PITPNM3: variants seen among roughly 807,000 people sequenced by gnomAD.
PITPNM3 encodes PITPNM family member 3, also known as membrane-associated phosphatidylinositol transfer protein 3.
A neutral mutation model predicts 102.0 loss-of-function variants in PITPNM3; 26 were observed. The ratio of observed to expected loss-of-function variants is 0.25; its 90% CI spans 0.19 to 0.35. The LOEUF is 0.35. Among genes scored for constraint, PITPNM3 ranks in the 10% least tolerant of loss-of-function variants. PITPNM3 has a pLI of 1.00. For missense variants in PITPNM3, 1,083 were observed against 1,346.1 expected (o/e 0.80, Z 3.06); for synonymous variants, 578 against 558.6 (o/e 1.03, Z -0.49).
chr17:6,529,160 G>A (rs766852680), intron 2 of PITPNM3, among the ~76,000 whole-genome samples: 2 of 152,114 alleles, frequency 1.3e-5, no homozygotes, highest in Non-Finnish European at 2.9e-5. Flanking sequence ...CCCTGGCCTT[G>A]ACCACAGATT....
At chr17:6,550,995 C>A (rs577845008) in intron 1 of PITPNM3, among the ~76,000 whole-genome samples, 2 of 152,260 alleles carry the variant, frequency 1.3e-5, no homozygotes, top group South Asian at 4.1e-4. Context: ...CAGAGGTCGG[C>A]GTATTTGCAT....
rs944091943 is a variant in PITPNM3, at chr17:6,459,391, G to A, written c.2491-1669C>T. The stretch of plus-strand genomic sequence containing the variant: ...CCTCCTCCCCCTCACTCTCCTCCTG[G>A]TTCCTCAGCTGCTCCTTGTGCTGCT... On this transcript the variant is annotated intron_variant, in intron 18 of 19. Coordinates refer to ENST00000262483, the MANE Select transcript of PITPNM3 (RefSeq NM_031220.4). This position sits in a 1 kb window ranked among gnomAD's most constrained non-coding sequence, Gnocchi z 5.0. 1.7e-4 allele frequency among the ~76,000 whole-genome samples: 26 copies of A among 151,332 alleles called. No individual in the cohort carries two copies. The highest frequency in any genetic ancestry group is 6.1e-4 in the African/African-American group (25 of 41,160).
rs750289060 is a variant in PITPNM3, at chr17:6,455,517, A to C, written c.2746T>G (p.Phe916Val). ...GSFGLHAQPE[F>V]LRKRNHLRRT... ...CGCAGGTGGTTGCGCTTCCGCAGGA[A>C]CTCTGGCTGCGCGTGCAGCCCGAAG... The change falls in exon 20 of 20, where the codon TTC (phenylalanine) becomes GTC (valine). Residue 916 changes from phenylalanine to valine, a missense_variant. Phe to Val is a conservative substitution (Grantham distance 50). Transcript: ENST00000262483. 1.2e-5 allele frequency: 20 copies of C among 1,604,768 alleles called. No individual in the cohort carries two copies. Among genetic ancestry groups the C allele is most frequent in the Admixed American group, 1.7e-5 (1 of 59,902 alleles).
intron 3 of PITPNM3, among the ~76,000 whole-genome samples, chr17:6,510,545 A>G (rs920064051): frequency 6.6e-6 from 1 of 152,236 alleles, no homozygotes; most frequent in Non-Finnish European, 1.5e-5. Flanking sequence ...GTCAATTCTG[A>G]GTCCACTTCT....
At chr17:6,503,606 C>T (rs1455495338) in intron 3 of PITPNM3, 32 bp from the exon 4 acceptor site, 3 of 1,601,396 alleles carry the variant, frequency 1.9e-6, no homozygotes, top group Non-Finnish European at 2.5e-6. Flanking sequence ...ATGAGCAGAT[C>T]CTTGACACTG....
intron 3 of PITPNM3, among the ~76,000 whole-genome samples, chr17:6,519,112 C>T (rs1047278441): frequency 2.0e-5 from 3 of 151,090 alleles, no homozygotes; most frequent in African/African-American, 4.9e-5. Context: ...CCATGGCGGG[C>T]GGATCACGAG....
intron 1 of PITPNM3, among the ~76,000 whole-genome samples, chr17:6,551,824 G>C (rs972916814): frequency 3.3e-5 from 5 of 151,978 alleles, no homozygotes; most frequent in Non-Finnish European, 7.4e-5. Context: ...CACTGCCCCT[G>C]GGAGCCACAG....
In PITPNM3 at chr17:6,544,654, T is replaced by TCTCTCTCTCTCACACACACA. The variant is rs376230474; in HGVS notation, c.23-6573_23-6572insTGTGTGTGTGAGAGAGAGAG. Among the ~76,000 whole-genome samples, 265 of 130,260 alleles carry TCTCTCTCTCTCACACACACA rather than the reference T, an allele frequency of 2.0e-3. 1 individual carries two copies. The highest frequency in any genetic ancestry group is 7.7e-3 in the African/African-American group (251 of 32,514). The allele number at this position is 130,260 out of a possible 152,430, so 85.5% of individuals were successfully genotyped here. On this transcript the variant is annotated intron_variant, in intron 1 of 19. Coordinates refer to ENST00000262483, the MANE Select transcript of PITPNM3 (RefSeq NM_031220.4). ...CTCTCTCTCTCTCTCTCTCTCTCTC[T>TCTCTCTCTCTCACACACACA]CACACACACACACACACACACACAA...
chr17:6,526,926 C>T (rs1597403767), intron 2 of PITPNM3, among the ~76,000 whole-genome samples: 3 of 152,354 alleles, frequency 2.0e-5, no homozygotes, highest in African/African-American at 7.2e-5. Flanking sequence ...GCTGCCCACA[C>T]TCCAGCCAGG....
rs779639442 is a variant in PITPNM3 at position 6,455,520 on chromosome 17, C to T, written c.2743G>A (p.Glu915Lys). 1 of 1,605,446 alleles carries T rather than the reference C, an allele frequency of 6.2e-7. No individual in the cohort carries two copies. The highest frequency in any genetic ancestry group is 1.7e-5 in the Admixed American group (1 of 59,934). The change falls in exon 20 of 20, where the codon GAG (glutamate) becomes AAG (lysine). Residue 915 changes from glutamate to lysine, a missense_variant. Glu to Lys is a moderately conservative substitution (Grantham distance 56). This residue lies in a region of PITPNM3 where 208 missense variants were observed against 178.2 expected (regional missense o/e 1.17). Transcript: ENST00000262483. The part of the protein sequence containing the change: ...KGSFGLHAQP[E>K]FLRKRNHLRR... ...AGGTGGTTGCGCTTCCGCAGGAACT[C>T]TGGCTGCGCGTGCAGCCCGAAGCTG...
At chr17:6,480,400 G>A (rs537286002) in intron 6 of PITPNM3, 41 of 152,372 alleles carry the variant, frequency 2.7e-4, no homozygotes, top group African/African-American at 8.9e-4. Context: ...GAAGCTCCAG[G>A]GCAGGGGACT....
intron 1 of PITPNM3, among the ~76,000 whole-genome samples, chr17:6,540,911 A>G (rs551183392): frequency 5.8e-4 from 88 of 152,298 alleles, no homozygotes; most frequent in African/African-American, 2.0e-3. Context: ...TGCCCGCCTC[A>G]GCTTCCCAAA....
intron 1 of PITPNM3, among the ~76,000 whole-genome samples, chr17:6,553,144 G>A (rs1182854963): frequency 6.6e-6 from 1 of 152,032 alleles, no homozygotes; most frequent in East Asian, 1.9e-4. Flanking sequence ...TTCACTGTCT[G>A]TCTCAAGCCA....
At chr17:6,513,002 A>G (rs1465894879) in intron 3 of PITPNM3, among the ~76,000 whole-genome samples, 2 of 152,032 alleles carry the variant, frequency 1.3e-5, no homozygotes, top group African/African-American at 2.4e-5. Flanking sequence ...GTGAAAATCA[A>G]TCGATGTAAC....
intron 2 of PITPNM3, among the ~76,000 whole-genome samples, chr17:6,533,864 C>A (rs551930495): frequency 6.6e-6 from 1 of 152,148 alleles, no homozygotes; most frequent in Non-Finnish European, 1.5e-5. Flanking sequence ...GCTCCTGTAT[C>A]CCCCACACCC....
rs1904323834 is a variant in PITPNM3 at position 6,458,771 on chromosome 17, A to C, written c.2491-1049T>G. On this transcript the variant is annotated intron_variant, in intron 18 of 19. Transcript: ENST00000262483. The surrounding 1 kb of genome is among the most constrained non-coding windows in gnomAD (Gnocchi z 5.1). The stretch of plus-strand genomic sequence containing the variant: ...CCTTGCCTCCACCCCGGATTCTCTC[A>C]CCCCTTCATCCTCCTCCCACACCTG... 1.3e-5 allele frequency among the ~76,000 whole-genome samples: 2 copies of C among 149,834 alleles called. No individual in the cohort carries two copies. Among genetic ancestry groups the C allele is most frequent in the African/African-American group, 4.9e-5 (2 of 40,452 alleles).
intron 1 of PITPNM3, among the ~76,000 whole-genome samples, chr17:6,549,418 T>C (rs1018189574): frequency 1.3e-5 from 2 of 152,190 alleles, no homozygotes; most frequent in South Asian, 2.1e-4. Flanking sequence ...AATCCAGCCC[T>C]AGGAGAGCCT....
At chr17:6,520,125 C>A (rs758490125) in intron 3 of PITPNM3, among the ~76,000 whole-genome samples, 6 of 152,152 alleles carry the variant, frequency 3.9e-5, no homozygotes, top group Non-Finnish European at 7.4e-5. Flanking sequence ...TTCAATCTCA[C>A]TAGAAACTGG....
intron 8 of PITPNM3, among the ~76,000 whole-genome samples, chr17:6,477,492 A>C (rs1905377615): frequency 1.3e-5 from 2 of 152,210 alleles, no homozygotes; most frequent in African/African-American, 4.8e-5. Context: ...CACACCTGTC[A>C]TAATAATCCC....
Sources: allele counts gnomAD v4.1 joint callset (sites outside exome capture counted in the v4.1 genomes callset), GRCh38; gene constraint gnomAD v4.1.1; regional missense constraint gnomAD v4.1.1; non-coding constraint Gnocchi (gnomAD v3.1); transcripts MANE v1.5; gene names NCBI Gene and HGNC (gene_info 2026-07-23, HGNC 2026-07-21).